Variants in RASA1 observed in about 807,000 individuals in gnomAD.
RASA1 encodes ras GTPase-activating protein 1.
A neutral mutation model predicts 132.2 loss-of-function variants in RASA1; 25 were observed. The observed-to-expected ratio is 0.19, with a 90% CI of 0.14 to 0.26. The LOEUF (loss-of-function observed/expected upper bound fraction) is 0.26. Ranked by LOEUF, RASA1 falls within the 10% of genes least tolerant of loss-of-function variation. The probability of loss-of-function intolerance (pLI) is 1.00; values close to 1 mark genes in which losing one functional copy is unlikely to be tolerated. For missense variants in RASA1, 964 were observed against 1,299.2 expected, an observed-to-expected ratio of 0.74 and a Z score of 3.97; for synonymous variants, 477 against 449.9, an observed-to-expected ratio of 1.06 and a Z score of -0.76.
At chr5:87,277,014 T>A (rs918321821) in intron 1 of RASA1, among the ~76,000 whole-genome samples, 16 of 152,148 alleles carry the variant, frequency 1.1e-4, no homozygotes, top group Admixed American at 2.0e-4. Flanking sequence ...CATTTTTTTT[T>A]AAATTTTAGA....
chr5:87,374,350 AT>A, intron 14 of RASA1, 30 bp downstream of exon 14: 1 of 1,573,282 alleles, frequency 6.4e-7, no homozygotes, highest in South Asian at 1.1e-5. Context: ...TACATTAATC[AT>A]TTTCTTTTAC....
At chr5:87,317,878 C>T (rs754917365) in intron 1 of RASA1, among the ~76,000 whole-genome samples, 8 of 152,050 alleles carry the variant, frequency 5.3e-5, no homozygotes, top group African/African-American at 1.2e-4. Context: ...TCAAGCAATC[C>T]GCCCACCTCA....
intron 8 of RASA1, among the ~76,000 whole-genome samples, chr5:87,351,420 T>C (rs1029069004): frequency 6.6e-6 from 1 of 151,354 alleles, no homozygotes; most frequent in African/African-American, 2.4e-5. Flanking sequence ...CAGTGGGGGG[T>C]GAGAAGGAAG....
intron 1 of RASA1, among the ~76,000 whole-genome samples, chr5:87,287,736 C>T (rs199799256): frequency 7.7e-5 from 6 of 77,542 alleles, no homozygotes; most frequent in African/African-American, 1.6e-4. Context: ...ATTATGTACA[C>T]GCCATAGATA....
intron 13 of RASA1, among the ~76,000 whole-genome samples, chr5:87,372,847 TG>T (rs1463023526): frequency 1.3e-5 from 2 of 152,192 alleles, no homozygotes; most frequent in East Asian, 3.8e-4. Context: ...AAGTGTCTCC[TG>T]TTCTCTTTGT....
At chr5:87,312,804 C>T (rs1355911821) in intron 1 of RASA1, among the ~76,000 whole-genome samples, 1 of 152,030 alleles carries the variant, frequency 6.6e-6, no homozygotes, top group Non-Finnish European at 1.5e-5. Flanking sequence ...ATCTAGCAAA[C>T]AAATAAACAA....
intron 1 of RASA1, among the ~76,000 whole-genome samples, chr5:87,295,514 T>A (rs940246632): frequency 2.0e-5 from 3 of 150,414 alleles, no homozygotes; most frequent in Non-Finnish European, 3.0e-5. Context: ...TATTTTATTT[T>A]ATTTATTTAT....
chr5:87,329,281 C>CAAAAAAAAAAAAAAAAAAAAAA (rs571157213), intron 1 of RASA1, among the ~76,000 whole-genome samples: 4 of 119,158 alleles, frequency 3.4e-5, no homozygotes, highest in Admixed American at 1.7e-4. Flanking sequence ...TCTGTCTCTC[C>CAAAAAAAAAAAAAAAAAAAAAA]AAAAAAAAAA....
At chr5:87,376,043 C>T (rs1003596829) in intron 15 of RASA1, among the ~76,000 whole-genome samples, 3 of 152,158 alleles carry the variant, frequency 2.0e-5, no homozygotes, top group Non-Finnish European at 4.4e-5. Context: ...TTCACCTCCA[C>T]AGGCTGAATT....
At chr5:87,363,017 G>A (rs947207076) in intron 10 of RASA1, among the ~76,000 whole-genome samples, 2 of 151,592 alleles carry the variant, frequency 1.3e-5, no homozygotes, top group African/African-American at 4.8e-5. Context: ...GTGGGTGGGG[G>A]TGTGCTTTAT....
At chr5:87,349,443 A>C in intron 8 of RASA1, 79 bp downstream of exon 8, 1 of 1,489,478 alleles carries the variant, frequency 6.7e-7, no homozygotes, top group Non-Finnish European at 9.2e-7. Flanking sequence ...TCAGAGTCAA[A>C]ATTATATAAA....
At chr5:87,349,652 G>A (rs1435527158) in intron 8 of RASA1, among the ~76,000 whole-genome samples, 2 of 151,812 alleles carry the variant, frequency 1.3e-5, no homozygotes, top group Admixed American at 1.3e-4. Context: ...TTATCTGTAG[G>A]AGGAGCAAAA....
At position 87,332,519 on chromosome 5, in the gene RASA1, G is replaced by T; in HGVS notation, c.705G>T (p.Met235Ile). The T allele has an allele frequency of 1.9e-6, 3 of 1,606,606 alleles. No homozygotes were observed. Among genetic ancestry groups the T allele is most frequent in the Non-Finnish European group, 2.6e-6 (3 of 1,173,674 alleles). The change falls in exon 3 of 25, where the codon ATG (methionine) becomes ATT (isoleucine). Residue 235 changes from methionine to isoleucine, a missense_variant. Physicochemically the swap from Met to Ile is conservative, Grantham distance 10. Around this residue, in one of 6 missense-constraint regions of RASA1, gnomAD observed 154 missense variants for 286.5 expected, o/e 0.54. Transcript: ENST00000274376. ...NVVNHFRIIA[M>I]CGDYYIGGRR... ...CCTGTTCAAATAGGATTATTGCTAT[G>T]TGTGGAGATTACTACATTGGTGGAA...
At chr5:87,358,372 C>T (rs915952605) in intron 9 of RASA1, among the ~76,000 whole-genome samples, 1 of 152,198 alleles carries the variant, frequency 6.6e-6, no homozygotes, top group African/African-American at 2.4e-5. Context: ...CAAGGTGACA[C>T]TACAATGATG....
intron 1 of RASA1, among the ~76,000 whole-genome samples, chr5:87,310,063 C>CT (rs1393771225): frequency 6.6e-6 from 1 of 152,084 alleles, no homozygotes; most frequent in African/African-American, 2.4e-5. Flanking sequence ...AATGTTTTGA[C>CT]TACAGGAAAG....
chr5:87,275,869 G>C lies in RASA1; in HGVS notation c.539+6879G>C, dbSNP rs535908680. Among the ~76,000 whole-genome samples the C allele has an allele frequency of 8.5e-5, 13 of 152,258 alleles. No individual in the cohort carries two copies. In the South Asian group the frequency reaches 1.0e-3, roughly 12 times the overall value. On this transcript the variant is annotated intron_variant, in intron 1 of 24. Transcript: ENST00000274376. ...AGGCATGAGCCACTGTGCCCAGCCA[G>C]CTTGGCCTTCTTCATAGCATGGCAG... is the stretch of plus-strand genomic sequence containing the variant.
At chr5:87,310,395 A>G (rs1323431951) in intron 1 of RASA1, among the ~76,000 whole-genome samples, 1 of 152,214 alleles carries the variant, frequency 6.6e-6, no homozygotes, top group Non-Finnish European at 1.5e-5. Context: ...TGTCAATAGA[A>G]TATGAGAGTT....
chr5:87,353,620 ACTTTTT>A (rs1448370705), intron 9 of RASA1, among the ~76,000 whole-genome samples: 1 of 152,100 alleles, frequency 6.6e-6, no homozygotes, highest in African/African-American at 2.4e-5. Flanking sequence ...AATGGTTTAC[ACTTTTT>A]CTTTGTTTAT....
Position 87,268,340 on chromosome 5 carries a change from C to A in RASA1, c.-112C>A. On this transcript the variant is annotated 5_prime_UTR_variant, in exon 1 of 25. Coordinates refer to ENST00000274376, the MANE Select transcript of RASA1 (RefSeq NM_002890.3). Reference sequence around the variant, plus strand: ...TCTCCTTTTGTTGTTGTTTCCTCAGCCTGGGGAGCTGAAGGGGAGACGCGT... The same window carrying A: ...TCTCCTTTTGTTGTTGTTTCCTCAGACTGGGGAGCTGAAGGGGAGACGCGT... The A allele has an allele frequency of 7.7e-7, 1 of 1,304,892 alleles. No individual in the cohort carries two copies. The highest frequency in any genetic ancestry group is 1.0e-6 in the Non-Finnish European group (1 of 979,674). 80.8% of individuals were successfully genotyped at this position (1,304,892 alleles called of 1,614,324 possible). A position where few individuals can be genotyped will look rare whatever the true frequency, so the allele number is the denominator to read the frequency against.
Sources: gnomAD v4.1 joint callset for allele counts (sites outside exome capture counted in the v4.1 genomes callset) on GRCh38, gnomAD v4.1.1 for gene constraint, gnomAD v4.1.1 regional missense constraint, MANE v1.5 for transcripts, NCBI Gene and HGNC (gene_info 2026-07-23, HGNC 2026-07-21) for gene names.